Variants in CHD9 observed in about 807,000 individuals in gnomAD.
CHD9 encodes ATP-dependent chromatin remodeler CHD9.
Under a neutral mutation model 316.1 loss-of-function variants are expected in CHD9, and 77 were observed. That is an observed-to-expected ratio of 0.24 (90% CI 0.20 to 0.29). The LOEUF (loss-of-function observed/expected upper bound fraction) is 0.29, where lower values mean the gene tolerates loss of function less well. CHD9 is among the 10% of genes least tolerant of loss of function. The pLI is 1.00. For synonymous variants in CHD9, 1,129 were observed against 1,158.3 expected (o/e 0.97, Z 0.51); for missense variants, 2,763 against 3,438.1 (o/e 0.80, Z 4.91).
In CHD9 at chr16:53,178,193, T is replaced by C. The variant is rs550284605; in HGVS notation, c.1452+20652T>C. ...GGACTATGGCAAAAGAACCAGACCC[T>C]CTAAATTGTGAAGCCCAGGGAAGGA... On this transcript the variant is annotated intron_variant, in intron 2 of 38. Transcript: ENST00000447540. Among the ~76,000 whole-genome samples, 9 of 152,200 alleles carry C rather than the reference T, an allele frequency of 5.9e-5. No individual in the cohort carries two copies. In the South Asian group the frequency reaches 1.7e-3, roughly 28 times the overall value.
intron 1 of CHD9, among the ~76,000 whole-genome samples, chr16:53,104,193 C>G (rs978005293): frequency 6.6e-6 from 1 of 152,188 alleles, no homozygotes; most frequent in South Asian, 2.1e-4. Context: ...TTTTTTCCCC[C>G]TTGTATTTAA....
At chr16:53,186,943 A>T (rs942522604) in intron 2 of CHD9, among the ~76,000 whole-genome samples, 1 of 152,212 alleles carries the variant, frequency 6.6e-6, no homozygotes, top group African/African-American at 2.4e-5. Flanking sequence ...TAAATTACCC[A>T]GTGTCAGGCA....
chr16:53,247,390 G>T lies in CHD9; in HGVS notation c.3552G>T (p.Leu1184Phe), dbSNP rs1225421116. 1 of 1,608,306 alleles carries T rather than the reference G, an allele frequency of 6.2e-7. No individual in the cohort carries two copies. Among genetic ancestry groups the T allele is most frequent in the South Asian group, 1.1e-5 (1 of 89,814 alleles). ...CAATGATCCAGTCTGCTGGTAAATTGGTCCTTATTGATAAATTGCTTCCCA... is the reference window on the plus strand; with the variant it reads ...CAATGATCCAGTCTGCTGGTAAATTTGTCCTTATTGATAAATTGCTTCCCA... ...LQAMIQSAGK[L>F]VLIDKLLPKM... Residue 1184 changes from leucine to phenylalanine, a missense_variant, in exon 16 of 39, where the codon TTG (leucine) becomes TTT (phenylalanine). Leu to Phe is a conservative substitution (Grantham distance 22). This residue lies in a region of CHD9 where 155 missense variants were observed against 291.8 expected (regional missense o/e 0.53). Coordinates refer to ENST00000447540, the MANE Select transcript of CHD9 (RefSeq NM_001308319.2).
intron 19 of CHD9, 114 bp downstream of exon 19, chr16:53,255,893 C>G (rs1597671479): frequency 1.1e-6 from 1 of 933,814 alleles, no homozygotes; most frequent in East Asian, 2.4e-5. Context: ...AGCCAAGATG[C>G]AGTAGGTAAT....
Position 53,314,380 on chromosome 16 carries a change from C to T in CHD9, c.7226C>T (p.Thr2409Ile), listed in dbSNP as rs1417056689. The change falls in exon 35 of 39, where the codon ACT becomes ATT. Residue 2409 changes from threonine (T) to isoleucine (I), a missense_variant. By Grantham distance (89) the Thr-to-Ile change is moderately conservative (BLOSUM62 -1). Coordinates refer to ENST00000447540, the MANE Select transcript of CHD9 (RefSeq NM_001308319.2). ...TTTGCATTTTTAATTCAATTAGGTA[C>T]TTCCATTCAACCAACCCTTGGTGCC... Reference protein sequence around the residue: ...NFPKSIPVSGTSIQPTLGANG... With the variant: ...NFPKSIPVSGISIQPTLGANG... 2.5e-5 allele frequency: 39 copies of T among 1,561,144 alleles called. No individual in the cohort carries two copies. The highest frequency in any genetic ancestry group is 3.4e-5 in the Non-Finnish European group (39 of 1,155,416).
Position 53,157,401 on chromosome 16 carries a change from C to T in CHD9, c.1312C>T (p.Arg438Trp), listed in dbSNP as rs1002212116. The change falls in exon 2 of 39, where the codon CGG becomes TGG. Residue 438 changes from arginine to tryptophan, a missense_variant. By Grantham distance (101) the Arg-to-Trp change is moderately radical. Around this residue, in one of 15 missense-constraint regions of CHD9, gnomAD observed 859 missense variants for 890.4 expected, o/e 0.96. Transcript: ENST00000447540. ...SSHILDHDLDRQFTSHLVTRP... is the reference protein window; with the variant it reads ...SSHILDHDLDWQFTSHLVTRP... The stretch of plus-strand genomic sequence containing the variant: ...TCACATTTTAGATCATGACCTTGAT[C>T]GGCAGTTTACTTCGCATCTGGTAAC... 3.1e-6 allele frequency: 5 copies of T among 1,613,848 alleles called. No homozygotes were observed. Among genetic ancestry groups the T allele is most frequent in the Non-Finnish European group, 4.2e-6 (5 of 1,179,880 alleles).
chr16:53,286,398 C>A, intron 26 of CHD9, 55 bp downstream of exon 26: 1 of 907,994 alleles, frequency 1.1e-6, no homozygotes, highest in South Asian at 1.4e-5. Flanking sequence ...TATTCAATAT[C>A]AGCATATTCT....
intron 2 of CHD9, among the ~76,000 whole-genome samples, chr16:53,209,153 T>C (rs1293985693): frequency 6.6e-6 from 1 of 152,202 alleles, no homozygotes; most frequent in African/African-American, 2.4e-5. Context: ...AAGACTTTTA[T>C]TCCAAATGCA....
intron 1 of CHD9, among the ~76,000 whole-genome samples, chr16:53,092,391 C>A (rs1486447979): frequency 1.3e-5 from 2 of 152,026 alleles, no homozygotes; most frequent in Admixed American, 1.3e-4. Context: ...AAAAGAAAAC[C>A]CCCTTTGATA....
chr16:53,059,702 G>A (rs1567299372), intron 1 of CHD9, among the ~76,000 whole-genome samples: 1 of 152,190 alleles, frequency 6.6e-6, no homozygotes, highest in South Asian at 2.1e-4. Flanking sequence ...ACCGTGAACA[G>A]GCATCAGCAA....
rs368990519 is a variant in CHD9 at position 53,249,217 on chromosome 16, C to G, written c.3666-654C>G. 3.3e-5 allele frequency among the ~76,000 whole-genome samples: 5 copies of G among 152,234 alleles called. No individual in the cohort carries two copies. In the East Asian group the frequency reaches 7.7e-4, roughly 23 times the overall value. The stretch of plus-strand genomic sequence containing the variant: ...ACCAGAGATAACCGCGGAGAGACTG[C>G]TAAAACTCTAGTAAATCATATGTAG... On this transcript the variant is annotated intron_variant, in intron 16 of 38. Transcript: ENST00000447540.
intron 32 of CHD9, among the ~76,000 whole-genome samples, chr16:53,306,691 G>A (rs1445003036): frequency 1.3e-5 from 2 of 152,170 alleles, no homozygotes; most frequent in Non-Finnish European, 2.9e-5. Context: ...GAGTCTCCTT[G>A]AAGAAGTTTA....
chr16:53,285,014 G>A (rs1005597155), intron 24 of CHD9, among the ~76,000 whole-genome samples: 20 of 152,058 alleles, frequency 1.3e-4, no homozygotes, highest in African/African-American at 3.9e-4. Flanking sequence ...TGATCTACCC[G>A]CCTCTGCCCC....
intron 6 of CHD9, 39 bp downstream of exon 6, chr16:53,227,503 G>T: frequency 6.8e-7 from 1 of 1,480,886 alleles, no homozygotes; most frequent in Non-Finnish European, 9.2e-7. Context: ...TTCATATTCT[G>T]TGGCCTGTTT....
At chr16:53,131,158 A>G (rs1473916125) in intron 1 of CHD9, 1 of 145,892 alleles carries the variant, frequency 6.9e-6, no homozygotes, top group Non-Finnish European at 1.5e-5. Flanking sequence ...ACTGGTGGGG[A>G]GATGCGGGGG....
intron 1 of CHD9, among the ~76,000 whole-genome samples, chr16:53,085,239 T>A (rs542444224): frequency 9.2e-5 from 14 of 151,718 alleles, no homozygotes; most frequent in Non-Finnish European, 1.9e-4. Context: ...TTTTTTTTTT[T>A]TTTTTTTTTT....
chr16:53,142,676 C>T (rs1182529608), intron 1 of CHD9, among the ~76,000 whole-genome samples: 1 of 152,246 alleles, frequency 6.6e-6, no homozygotes, highest in Non-Finnish European at 1.5e-5. Context: ...TTTGAATCCA[C>T]ACCTAAGCTC....
At chr16:53,267,539 T>A in intron 21 of CHD9, 49 bp downstream of exon 21, 1 of 1,292,370 alleles carries the variant, frequency 7.7e-7, no homozygotes, top group Non-Finnish European at 1.1e-6. Flanking sequence ...GTATGTAATG[T>A]TACAGAAAAT....
At chr16:53,228,822 T>C (rs1028399149) in intron 7 of CHD9, among the ~76,000 whole-genome samples, 161 bp from the exon 8 acceptor site, 1 of 152,216 alleles carries the variant, frequency 6.6e-6, no homozygotes, top group African/African-American at 2.4e-5. Flanking sequence ...TGATCACAAT[T>C]ACTTTATTTT....
Sources: gnomAD v4.1 joint callset for allele counts (sites outside exome capture counted in the v4.1 genomes callset) on GRCh38, gnomAD v4.1.1 for gene constraint, gnomAD v4.1.1 regional missense constraint, MANE v1.5 for transcripts, NCBI Gene and HGNC (gene_info 2026-07-23, HGNC 2026-07-21) for gene names.